MAP3K10: variants seen among roughly 807,000 people sequenced by gnomAD.
MAP3K10 encodes the protein MKN28 derived nonreceptor_type serine/threonine kinase.
In MAP3K10, 22 loss-of-function variants were observed where a neutral mutation model predicts 75.0. The observed-to-expected ratio is 0.29, with a 90% CI of 0.21 to 0.42. The LOEUF is 0.42. MAP3K10 is among the 10% of genes least tolerant of loss of function. The pLI, the probability that MAP3K10 is intolerant of heterozygous loss-of-function variation, is 1.00. For synonymous variants in MAP3K10, 599 were observed against 612.9 expected (o/e 0.98, Z 0.34); for missense variants, 1,165 against 1,379.8 (o/e 0.84, Z 2.47).
chr19:40,214,010 A>AC lies in MAP3K10; in HGVS notation c.2334dup (p.Ser779LeufsTer73). ...CCGCACCGGCCGCGCCCTCCCCACCACCCTCCCCGCCCGCGCCCACACCCA... is the reference window on the plus strand; with the variant it reads ...CCGCACCGGCCGCGCCCTCCCCACCACCCCTCCCCGCCCGCGCCCACACCCA... On this transcript the variant is annotated frameshift_variant, in exon 9 of 10. Transcript: ENST00000253055. LOFTEE classifies it high-confidence loss of function. The AC allele has an allele frequency of 9.6e-6, 7 of 726,354 alleles. No homozygotes were observed. The highest frequency in any genetic ancestry group is 3.1e-5 in the African/African-American group (1 of 31,770). The allele number at this position is 726,354 out of a possible 1,614,324, so 45.0% of individuals were successfully genotyped here.
chr19:40,202,418 G>A (rs1973044381), intron 2 of MAP3K10, among the ~76,000 whole-genome samples: 1 of 152,124 alleles, frequency 6.6e-6, no homozygotes, highest in African/African-American at 2.4e-5. Context: ...GTGTCCTGCC[G>A]CGGCTTCGCA....
In MAP3K10 at chr19:40,206,048, G is replaced by T; in HGVS notation, c.1326G>T (p.Met442Ile). Residue 442 changes from methionine to isoleucine, a missense_variant, in exon 5 of 10, where the codon ATG becomes ATT. This residue lies in a region of MAP3K10 where 575 missense variants were observed against 793.2 expected (regional missense o/e 0.72). Coordinates refer to ENST00000253055, the MANE Select transcript of MAP3K10 (RefSeq NM_002446.4). ...DIVERELHLL[M>I]CQLSQEKPRV... Reference sequence around the variant, plus strand: ...TGGAACGGGAGCTGCACCTGCTCATGTGCCAGCTGAGCCAGGAGAAGCCCC... The same window carrying T: ...TGGAACGGGAGCTGCACCTGCTCATTTGCCAGCTGAGCCAGGAGAAGCCCC... 1 of 1,613,452 alleles carries T rather than the reference G, an allele frequency of 6.2e-7. No individual in the cohort carries two copies. The highest frequency in any genetic ancestry group is 8.5e-7 in the Non-Finnish European group (1 of 1,179,694).
chr19:40,192,564 G>A lies in MAP3K10; in HGVS notation c.533G>A (p.Arg178Gln), dbSNP rs751612685. ...CTCTGCCTAGTGATGGAGTATGCCC[G>A]GGGTGGTGCACTGAGCAGGGTGCTG... ...PHLCLVMEYARGGALSRVLAG... is the reference protein window; with the variant it reads ...PHLCLVMEYAQGGALSRVLAG... The change falls in exon 1 of 10, where the codon CGG (arginine) becomes CAG (glutamine). Residue 178 changes from arginine (R) to glutamine (Q), a missense_variant. Arg to Gln is a conservative substitution (Grantham distance 43). Coordinates refer to ENST00000253055, the MANE Select transcript of MAP3K10 (RefSeq NM_002446.4). The surrounding 1 kb of genome is among the most constrained non-coding windows in gnomAD (Gnocchi z 7.1). 1 of 1,613,434 alleles carries A rather than the reference G, an allele frequency of 6.2e-7. No individual in the cohort carries two copies. Among genetic ancestry groups the A allele is most frequent in the Non-Finnish European group, 8.5e-7 (1 of 1,179,890 alleles).
At position 40,191,499 on chromosome 19, in the gene MAP3K10, C is replaced by G. The variant is rs1568485016; in HGVS notation, c.-533C>G. 6.6e-6 allele frequency among the ~76,000 whole-genome samples: 1 copy of G among 150,656 alleles called. No individual in the cohort carries two copies. The highest frequency in any genetic ancestry group is 1.9e-4 in the East Asian group (1 of 5,130). ...CAGGGGCTGGGGCCGACCGGGAGGC[C>G]GGTGCCAAGGATGGGGGCCGCCCGG... On this transcript the variant is annotated 5_prime_UTR_variant, in exon 1 of 10. Coordinates refer to ENST00000253055, the MANE Select transcript of MAP3K10 (RefSeq NM_002446.4).
intron 5 of MAP3K10, among the ~76,000 whole-genome samples, chr19:40,207,034 G>A (rs1173143188): frequency 1.3e-5 from 2 of 152,170 alleles, no homozygotes; most frequent in Non-Finnish European, 2.9e-5. Flanking sequence ...GGAAAGCAGA[G>A]GTTGCAGTGA....
rs1242853286 is a variant in MAP3K10, at chr19:40,206,007, C to T, written c.1285C>T (p.Arg429Cys). The change falls in exon 5 of 10, where the codon CGT (arginine) becomes TGT (cysteine). Residue 429 changes from arginine to cysteine, a missense_variant. By Grantham distance (180) the Arg-to-Cys change is radical. Around this residue, in one of 2 missense-constraint regions of MAP3K10, gnomAD observed 575 missense variants for 793.2 expected, o/e 0.72. Transcript: ENST00000253055. Reference sequence around the variant, plus strand: ...GCGGCGGGAGCAGGAGCTGGCAGAACGTGAGATGGACATCGTGGAACGGGA... The same window carrying T: ...GCGGCGGGAGCAGGAGCTGGCAGAATGTGAGATGGACATCGTGGAACGGGA... ...LRRREQELAE[R>C]EMDIVERELH... 2 of 1,612,814 alleles carry T rather than the reference C, an allele frequency of 1.2e-6. No individual in the cohort carries two copies. The highest frequency in any genetic ancestry group is 1.7e-6 in the Non-Finnish European group (2 of 1,179,394).
chr19:40,215,027 C>T lies in MAP3K10; in HGVS notation c.2600C>T (p.Ala867Val), dbSNP rs762613307. 16 of 1,602,704 alleles carry T rather than the reference C, an allele frequency of 1.0e-5. No individual in the cohort carries two copies. The South Asian group carries it at 1.8e-4, about 18-fold the overall frequency. Residue 867 changes from alanine (A) to valine (V), a missense_variant, in exon 10 of 10, where the codon GCC becomes GTC. Physicochemically the swap from Ala to Val is moderately conservative, Grantham distance 64. Around this residue, in one of 2 missense-constraint regions of MAP3K10, gnomAD observed 590 missense variants for 586.6 expected, o/e 1.01. Coordinates refer to ENST00000253055, the MANE Select transcript of MAP3K10 (RefSeq NM_002446.4). ...CCCGACCCCCAGGCCCTGTTCCCAG[C>T]CCGCCGCCGGCCCCCTGAGTTCCCA... ...RLPDPQALFP[A>V]RRRPPEFPGR...
chr19:40,196,028 C>A (rs566103771), intron 1 of MAP3K10, among the ~76,000 whole-genome samples: 1 of 152,064 alleles, frequency 6.6e-6, no homozygotes, highest in South Asian at 2.1e-4. Flanking sequence ...CTTTTAAAGG[C>A]CCTATTGCTT....
chr19:40,200,833 G>T (rs1337450003), intron 2 of MAP3K10, among the ~76,000 whole-genome samples: 2 of 151,670 alleles, frequency 1.3e-5, no homozygotes, highest in Non-Finnish European at 2.9e-5. Flanking sequence ...TGGTCTTGAA[G>T]TCCTGACCTC....
chr19:40,194,593 C>T (rs1337086327), intron 1 of MAP3K10, among the ~76,000 whole-genome samples: 1 of 152,182 alleles, frequency 6.6e-6, no homozygotes, highest in East Asian at 1.9e-4. Flanking sequence ...GGTCAGTGGG[C>T]CTCTTATGGC....
At chr19:40,207,073 T>TG (rs1973136383) in intron 5 of MAP3K10, among the ~76,000 whole-genome samples, 1 of 152,194 alleles carries the variant, frequency 6.6e-6, no homozygotes, top group Admixed American at 6.5e-5. Flanking sequence ...CACTCCAGCC[T>TG]GGGTGACAGA....
intron 6 of MAP3K10, among the ~76,000 whole-genome samples, chr19:40,211,594 C>T (rs1180101492): frequency 2.0e-5 from 3 of 149,930 alleles, no homozygotes; most frequent in Admixed American, 1.3e-4. Flanking sequence ...GATCTATTTG[C>T]TCAGCTCTCA....
intron 1 of MAP3K10, among the ~76,000 whole-genome samples, chr19:40,197,284 G>A (rs780868190): frequency 3.3e-5 from 5 of 152,122 alleles, no homozygotes; most frequent in Admixed American, 6.5e-5. Flanking sequence ...CAAGTCATAC[G>A]GCTGAGCCAG....
At chr19:40,197,995 G>C (rs951567241) in intron 1 of MAP3K10, among the ~76,000 whole-genome samples, 11 of 152,012 alleles carry the variant, frequency 7.2e-5, no homozygotes, top group Non-Finnish European at 1.6e-4. Context: ...CCACACCCAG[G>C]TATTTTTAAA....
Position 40,213,922 on chromosome 19 carries a change from C to T in MAP3K10, c.2243C>T (p.Ser748Leu), listed in dbSNP as rs2145100438. ...CTGGCGCCCTCGGCCACCCTCGTGT[C>T]GCTGTCGTCCGTGTCCGACTGCAAC... ...LGLAPSATLVSLSSVSDCNST... is the reference protein window; with the variant it reads ...LGLAPSATLVLLSSVSDCNST... The change falls in exon 9 of 10, where the codon TCG becomes TTG. Residue 748 changes from serine (S) to leucine (L), a missense_variant. By Grantham distance (145) the Ser-to-Leu change is moderately radical. Around this residue, in one of 2 missense-constraint regions of MAP3K10, gnomAD observed 590 missense variants for 586.6 expected, o/e 1.01. Transcript: ENST00000253055. The surrounding 1 kb of genome is among the most constrained non-coding windows in gnomAD (Gnocchi z 5.7). The T allele has an allele frequency of 2.6e-6, 4 of 1,522,414 alleles. No individual in the cohort carries two copies. The highest frequency in any genetic ancestry group is 2.4e-5 in the South Asian group (2 of 81,788). 94.3% of individuals were successfully genotyped at this position (1,522,414 alleles called of 1,614,324 possible).
At position 40,204,920 on chromosome 19, in the gene MAP3K10, A is replaced by G; in HGVS notation, c.1013-201A>G. 1 of 628,912 alleles carries G rather than the reference A, an allele frequency of 1.6e-6. No individual in the cohort carries two copies. Among genetic ancestry groups the G allele is most frequent in the Non-Finnish European group, 2.8e-6 (1 of 360,656 alleles). 39.0% of individuals were successfully genotyped at this position (628,912 alleles called of 1,614,324 possible). On this transcript the variant is annotated intron_variant, in intron 3 of 9. Coordinates refer to ENST00000253055, the MANE Select transcript of MAP3K10 (RefSeq NM_002446.4). The surrounding 1 kb of genome is among the most constrained non-coding windows in gnomAD (Gnocchi z 4.3). ...CACTACCAGCCCCTCCTCGGGGTGC[A>G]GGTCCCAGGGTTTCTCTCCCAGCGT...
In MAP3K10 at chr19:40,192,517, C is replaced by T. The variant is rs764830892; in HGVS notation, c.486C>T (p.Gly162=). 18 of 1,613,370 alleles carry T rather than the reference C, an allele frequency of 1.1e-5. No homozygotes were observed. In the South Asian group the frequency reaches 1.4e-4, roughly 13 times the overall value. Residue 162 remains glycine, a synonymous_variant, in exon 1 of 10, where the codon GGC becomes GGT. Coordinates refer to ENST00000253055, the MANE Select transcript of MAP3K10 (RefSeq NM_002446.4). This position sits in a 1 kb window ranked among gnomAD's most constrained non-coding sequence, Gnocchi z 7.1. ...ACCCCAACATAATTGCCCTTAGGGG[C>T]GCCTGCCTCAACCCCCCACACCTCT... The part of the protein sequence containing the change: ...LQHPNIIALR[G]ACLNPPHLCL...
intron 9 of MAP3K10, among the ~76,000 whole-genome samples, chr19:40,214,484 AC>A (rs1347513767): frequency 6.6e-6 from 1 of 152,176 alleles, no homozygotes; most frequent in African/African-American, 2.4e-5. Flanking sequence ...GCCAATTCTT[AC>A]ACAGCCTAGA....
In MAP3K10 at chr19:40,213,826, G is replaced by C; in HGVS notation, c.2147G>C (p.Arg716Pro). 1 of 1,314,604 alleles carries C rather than the reference G, an allele frequency of 7.6e-7. No individual in the cohort carries two copies. Among genetic ancestry groups the C allele is most frequent in the South Asian group, 1.7e-5 (1 of 58,192 alleles). 81.4% of individuals were successfully genotyped at this position (1,314,604 alleles called of 1,614,324 possible). ...GGCCTCTTCTTTCCCCGCGCCGGCC[G>C]CTTCCCGCGGGGCCTCAGCCCACCC... Reference protein sequence around the residue: ...LDGLFFPRAGRFPRGLSPPAR... With the variant: ...LDGLFFPRAGPFPRGLSPPAR... The change falls in exon 9 of 10, where the codon CGC becomes CCC. Residue 716 changes from arginine (R) to proline (P), a missense_variant. Transcript: ENST00000253055. This position sits in a 1 kb window ranked among gnomAD's most constrained non-coding sequence, Gnocchi z 5.7.
Sources: gnomAD v4.1 joint callset for allele counts (sites outside exome capture counted in the v4.1 genomes callset) on GRCh38, gnomAD v4.1.1 for gene constraint, gnomAD v4.1.1 regional missense constraint, Gnocchi (gnomAD v3.1) non-coding constraint, MANE v1.5 for transcripts, NCBI Gene and HGNC (gene_info 2026-07-23, HGNC 2026-07-21) for gene names.